ZBTB7C: variants seen among roughly 807,000 people sequenced by gnomAD.
ZBTB7C encodes the protein zinc finger and BTB domain-containing protein 7C.
A neutral mutation model predicts 25.7 loss-of-function variants in ZBTB7C; 8 were observed. That is an observed-to-expected ratio of 0.31 (90% CI 0.18 to 0.56). ZBTB7C has a LOEUF of 0.56. Among genes scored for constraint, ZBTB7C ranks in the 20% least tolerant of loss-of-function variants. The pLI is 0.91. For missense variants in ZBTB7C, 824 were observed against 855.2 expected, an observed-to-expected ratio of 0.96 and a Z score of 0.46; for synonymous variants, 394 against 369.0, an observed-to-expected ratio of 1.07 and a Z score of -0.78.
At chr18:48,051,667 G>T (rs902847765) in intron 3 of ZBTB7C, among the ~76,000 whole-genome samples, 10 of 152,084 alleles carry the variant, frequency 6.6e-5, no homozygotes, top group African/African-American at 2.4e-4. Context: ...CACCATGCAG[G>T]GGACTTGCAA....
intron 3 of ZBTB7C, chr18:48,137,086 G>A (rs893012963): frequency 7.1e-6 from 7 of 985,426 alleles, no homozygotes; most frequent in Non-Finnish European, 8.4e-6. Flanking sequence ...GAATCCACGC[G>A]GCCGCGCTGC....
At chr18:48,254,120 G>GT (rs2043950969) in intron 2 of ZBTB7C, among the ~76,000 whole-genome samples, 1 of 152,212 alleles carries the variant, frequency 6.6e-6, no homozygotes, top group African/African-American at 2.4e-5. Flanking sequence ...GGAGTTGTTG[G>GT]TAAGGTTTTC....
chr18:48,409,248 G>A lies in ZBTB7C; in HGVS notation c.-326C>T, dbSNP rs1489563093. The A allele has an allele frequency of 1.3e-5, 2 of 149,520 alleles. No individual in the cohort carries two copies. The highest frequency in any genetic ancestry group is 2.4e-5 in the African/African-American group (1 of 40,964). The allele number at this position is 149,520 out of a possible 1,614,324, so 9.3% of individuals were successfully genotyped here. ...CACCTCCGCGCGCCGCCGGCCCTGC[G>A]CGCCTCCCGCACTTGGCTCCGGGAC... On this transcript the variant is annotated 5_prime_UTR_variant, in exon 1 of 5. Transcript: ENST00000590800.
Position 48,029,421 on chromosome 18 carries a change from C to A in ZBTB7C, c.1699G>T (p.Glu567Ter). ...GCCAGGAGGCCCCCCGCGTTCCTCT[C>A]AGCCTCCAGCTGCGCGCGCCCGAAC... ...KLFGRAQLEA[E>*]RNAGGLLAFA... Residue 567 changes from glutamate (E) to a stop codon, truncating the protein, a stop_gained, in exon 5 of 5, where the codon GAG becomes TAG. Coordinates refer to ENST00000590800, the MANE Select transcript of ZBTB7C (RefSeq NM_001318841.2). LOFTEE classifies it high-confidence loss of function. 6.3e-7 allele frequency: 1 copy of A among 1,583,936 alleles called. No individual in the cohort carries two copies. The highest frequency in any genetic ancestry group is 2.3e-5 in the East Asian group (1 of 43,074).
At chr18:48,408,622 T>G (rs1010909) in intron 1 of ZBTB7C, 12,361 of 152,292 alleles carry the variant, frequency 0.081, 763 homozygotes, top group African/African-American at 0.17. Flanking sequence ...CAGCTCATTT[T>G]CCAATTTTCA....
At chr18:48,053,846 G>T (rs1298974284) in intron 3 of ZBTB7C, among the ~76,000 whole-genome samples, 5 of 152,214 alleles carry the variant, frequency 3.3e-5, no homozygotes, top group Non-Finnish European at 7.3e-5. Context: ...GGGTGCCTGG[G>T]GTCAGAGGAC....
chr18:48,380,763 T>C (rs2047617594), intron 1 of ZBTB7C, among the ~76,000 whole-genome samples: 2 of 152,132 alleles, frequency 1.3e-5, no homozygotes, highest in Admixed American at 1.3e-4. Flanking sequence ...AAGAATGAAA[T>C]TTAGTTAATG....
At chr18:48,283,470 A>AT (rs2044935050) in intron 2 of ZBTB7C, among the ~76,000 whole-genome samples, 1 of 152,228 alleles carries the variant, frequency 6.6e-6, no homozygotes, top group Non-Finnish European at 1.5e-5. Flanking sequence ...TTAAAAACTT[A>AT]ACTTGGCATT....
chr18:48,349,151 A>C (rs909235123), intron 1 of ZBTB7C, among the ~76,000 whole-genome samples: 1 of 152,216 alleles, frequency 6.6e-6, no homozygotes, highest in African/African-American at 2.4e-5. Flanking sequence ...CAGCTTGCTC[A>C]GTGGCTCCTT....
At position 48,029,551 on chromosome 18, in the gene ZBTB7C, C is replaced by T; in HGVS notation, c.1569G>A (p.Val523=). The change falls in exon 5 of 5, where the codon GTG becomes GTA. Residue 523 remains valine (V), a synonymous_variant. Transcript: ENST00000590800. The part of the protein sequence containing the change: ...EVGGHLGGAA[V]CLPGPSPAKH... ...TGGCGGGGCTGGGGCCCGGGAGGCA[C>T]ACAGCTGCGCCGCCCAGGTGGCCGC... The T allele has an allele frequency of 6.5e-7, 1 of 1,543,024 alleles. No individual in the cohort carries two copies. Among genetic ancestry groups the T allele is most frequent in the Non-Finnish European group, 8.6e-7 (1 of 1,157,336 alleles).
intron 1 of ZBTB7C, among the ~76,000 whole-genome samples, chr18:48,386,072 G>A (rs760522120): frequency 3.9e-5 from 6 of 152,260 alleles, no homozygotes; most frequent in Admixed American, 2.0e-4. Flanking sequence ...CACCCCTGTC[G>A]AGTGCAATCA....
intron 3 of ZBTB7C, among the ~76,000 whole-genome samples, chr18:48,136,530 A>C (rs1195017187): frequency 6.6e-6 from 1 of 151,838 alleles, no homozygotes; most frequent in Non-Finnish European, 1.5e-5. Context: ...CCCGTCCCCA[A>C]GTTTTGCATC....
intron 1 of ZBTB7C, among the ~76,000 whole-genome samples, chr18:48,350,083 T>C (rs1206225206): frequency 1.3e-5 from 2 of 152,196 alleles, no homozygotes; most frequent in African/African-American, 2.4e-5. Flanking sequence ...TTTTCTTTGT[T>C]TATTGTTTTG....
chr18:48,095,559 A>C (rs2038588284), intron 3 of ZBTB7C, among the ~76,000 whole-genome samples: 1 of 151,986 alleles, frequency 6.6e-6, no homozygotes, highest in African/African-American at 2.4e-5. Context: ...TAAAAATACA[A>C]AAATTAGCCA....
intron 1 of ZBTB7C, among the ~76,000 whole-genome samples, chr18:48,363,402 C>G (rs930845339): frequency 4.6e-5 from 7 of 152,034 alleles, no homozygotes; most frequent in Non-Finnish European, 8.8e-5. Flanking sequence ...CCAGCCCCCA[C>G]CCACCTAGAA....
intron 1 of ZBTB7C, among the ~76,000 whole-genome samples, chr18:48,388,315 A>T (rs2047797699): frequency 6.7e-6 from 1 of 149,806 alleles, no homozygotes; most frequent in Admixed American, 6.7e-5. Context: ...TCTATCTTGC[A>T]TTTTTTTTTC....
intron 2 of ZBTB7C, among the ~76,000 whole-genome samples, chr18:48,290,198 G>A (rs1233252687): frequency 6.6e-6 from 1 of 152,240 alleles, no homozygotes; most frequent in Admixed American, 6.5e-5. Flanking sequence ...GCACCCACAG[G>A]ACCATGGATG....
chr18:48,339,842 C>T (rs763843767), intron 1 of ZBTB7C, among the ~76,000 whole-genome samples: 4 of 152,148 alleles, frequency 2.6e-5, no homozygotes, highest in Admixed American at 6.5e-5. Context: ...TCCTAGTTAA[C>T]AGGAGCGGCT....
chr18:48,119,965 G>A (rs745963133), intron 3 of ZBTB7C, among the ~76,000 whole-genome samples: 1 of 152,142 alleles, frequency 6.6e-6, no homozygotes, highest in Non-Finnish European at 1.5e-5. Context: ...AGACTGAAGA[G>A]GGTCCCTTAG....
Sources: allele counts gnomAD v4.1 joint callset (sites outside exome capture counted in the v4.1 genomes callset), GRCh38; gene constraint gnomAD v4.1.1; transcripts MANE v1.5; gene names NCBI Gene and HGNC (gene_info 2026-07-23, HGNC 2026-07-21).